The following SPTBN5 variants were observed in gnomAD, a reference collection of about 807,000 sequenced individuals.
The protein encoded by SPTBN5 is spectrin beta, non-erythrocytic 5, also known as spectrin beta chain, non-erythrocytic 5.
SPTBN5 carries 513 observed loss-of-function variants against 477.6 expected under a neutral mutation model. That is an observed-to-expected ratio of 1.07 (90% CI 1.00 to 1.16). The LOEUF (loss-of-function observed/expected upper bound fraction) is 1.16. Ranked by LOEUF, SPTBN5 falls within the 50% of genes most tolerant of loss-of-function variation. SPTBN5 has a pLI of 0.00. For missense variants in SPTBN5, 5,062 were observed against 4,731.8 expected (o/e 1.07, Z -2.05); for synonymous variants, 2,169 against 2,011.7 (o/e 1.08, Z -2.09).
At position 41,856,839 on chromosome 15, in the gene SPTBN5, G is replaced by T. The variant is rs566472919; in HGVS notation, c.8808+14C>A. The stretch of plus-strand genomic sequence containing the variant: ...CTCATGTGCGAGGCCAGCCCTCCCC[G>T]GGTGGGCCCACACCTGGTGCTGCTC... On this transcript the variant is annotated intron_variant, in intron 52 of 67. Coordinates refer to ENST00000320955, the MANE Select transcript of SPTBN5 (RefSeq NM_016642.4). The T allele has an allele frequency of 6.5e-6, 10 of 1,536,156 alleles. No homozygotes were observed. The South Asian group carries it at 9.6e-5, about 15-fold the overall frequency.
chr15:41,849,444 G>A (rs1271790339), intron 67 of SPTBN5, among the ~76,000 whole-genome samples: 1 of 152,208 alleles, frequency 6.6e-6, no homozygotes, highest in East Asian at 1.9e-4. Context: ...GGCAGGGTCT[G>A]GCCGTCCTGC....
chr15:41,857,913 G>A (rs2065976156), intron 49 of SPTBN5, among the ~76,000 whole-genome samples: 1 of 152,216 alleles, frequency 6.6e-6, no homozygotes, highest in Non-Finnish European at 1.5e-5. Context: ...AATGAGATAA[G>A]TCATATAAAA....
In SPTBN5 at chr15:41,869,959, T is replaced by C. The variant is rs8034735; in HGVS notation, c.5735A>G (p.His1912Arg). ...AGCTTGCTGCCTCTGCTGCACCGCA[T>C]GGGCCTGAGGCCCCGGACACAGCTT... ...VQKLCPGPQA[H>R]AVQQRQQAVT... is the part of the protein sequence containing the mutation. The change falls in exon 32 of 68, where the codon CAT becomes CGT. Residue 1912 changes from histidine to arginine, a missense_variant. By Grantham distance (29) the His-to-Arg change is conservative. Coordinates refer to ENST00000320955, the MANE Select transcript of SPTBN5 (RefSeq NM_016642.4). The C allele has an allele frequency of 0.015, 23,837 of 1,549,414 alleles. 2,520 individuals are homozygous for C. The African/African-American group carries it at 0.26, about 17-fold the overall frequency.
chr15:41,868,199 G>A lies in SPTBN5; in HGVS notation c.6077C>T (p.Ala2026Val). ...CACCTGGTCCCGCTGGTCCTGCAGG[G>A]CTCGAAGCTCTTCCTGGACCTGGGG... ...PTKEVQEELR[A>V]LQDQRDQVYQ... The change falls in exon 34 of 68, where the codon GCC (alanine) becomes GTC (valine). Residue 2026 changes from alanine to valine, a missense_variant. By Grantham distance (64) the Ala-to-Val change is moderately conservative. Transcript: ENST00000320955. 1.9e-6 allele frequency: 3 copies of A among 1,581,228 alleles called. No individual in the cohort carries two copies. The highest frequency in any genetic ancestry group is 1.8e-5 in the Admixed American group (1 of 54,938).
intron 4 of SPTBN5, 73 bp from the exon 5 acceptor site, chr15:41,888,158 G>A (rs2067213259): frequency 6.9e-7 from 1 of 1,455,676 alleles, no homozygotes; most frequent in Middle Eastern, 2.3e-4. Flanking sequence ...GGCTGTGGGA[G>A]AGGCAGGCTG....
At chr15:41,869,716 G>T in intron 32 of SPTBN5, 125 bp downstream of exon 32, 1 of 1,036,690 alleles carries the variant, frequency 9.6e-7, no homozygotes, top group Non-Finnish European at 1.3e-6. Flanking sequence ...GTGTGCTCGT[G>T]CTCTCCCACC....
chr15:41,887,858 G>A lies in SPTBN5; in HGVS notation c.659+70C>T. The A allele has an allele frequency of 3.4e-6, 5 of 1,481,656 alleles. No individual in the cohort carries two copies. The Admixed American group carries it at 7.9e-5, about 23-fold the overall frequency. 91.8% of individuals were successfully genotyped at this position (1,481,656 alleles called of 1,614,324 possible). On this transcript the variant is annotated intron_variant, in intron 5 of 67. Coordinates refer to ENST00000320955, the MANE Select transcript of SPTBN5 (RefSeq NM_016642.4). ...GCCTAGGGATGTGGGAGAACGGGTG[G>A]GCTGAGGACCCAAACCCAGGAGCTG...
In SPTBN5 at chr15:41,857,673, G is replaced by A. The variant is rs760458684; in HGVS notation, c.8264C>T (p.Ser2755Leu). The change falls in exon 50 of 68, where the codon TCG (serine) becomes TTG (leucine). Residue 2755 changes from serine to leucine, a missense_variant. Physicochemically the swap from Ser to Leu is moderately radical, Grantham distance 145. Transcript: ENST00000320955. ...QRLLQGGHPASEAIQERLEEL... is the reference protein window; with the variant it reads ...QRLLQGGHPALEAIQERLEEL... Reference sequence around the variant, plus strand: ...CTCCAGTCGCTCCTGGATGGCCTCCGAGGCTGGGTGGCCCCCCTGCAGCAG... The same window carrying A: ...CTCCAGTCGCTCCTGGATGGCCTCCAAGGCTGGGTGGCCCCCCTGCAGCAG... 6 of 1,584,708 alleles carry A rather than the reference G, an allele frequency of 3.8e-6. No individual in the cohort carries two copies. Among genetic ancestry groups the A allele is most frequent in the Non-Finnish European group, 4.3e-6 (5 of 1,166,224 alleles).
intron 28 of SPTBN5, 34 bp from the exon 29 acceptor site, chr15:41,871,554 C>G (rs745645454): frequency 7.9e-5 from 113 of 1,436,478 alleles, no homozygotes; most frequent in Non-Finnish European, 1.0e-4. Flanking sequence ...AGGGTAGCCC[C>G]CAGCTGGTTA....
At chr15:41,888,948 C>T (rs556329907) in intron 4 of SPTBN5, among the ~76,000 whole-genome samples, 45 of 152,292 alleles carry the variant, frequency 3.0e-4, no homozygotes, top group African/African-American at 8.4e-4. Flanking sequence ...GGCTGGCAGA[C>T]GGAACTAAGG....
In SPTBN5 at chr15:41,854,067, G is replaced by C; in HGVS notation, c.9757C>G (p.Gln3253Glu). Reference protein sequence around the residue: ...SLSSVRTLQQQHRRLERELEA... With the variant: ...SLSSVRTLQQEHRRLERELEA... Reference sequence around the variant, plus strand: ...GGCCTCACCTCCAGGCGCCTGTGCTGTTGCTGCAGGGTCCGCACAGATGAC... The same window carrying C: ...GGCCTCACCTCCAGGCGCCTGTGCTCTTGCTGCAGGGTCCGCACAGATGAC... The change falls in exon 57 of 68, where the codon CAG (glutamine) becomes GAG (glutamate). Residue 3253 changes from glutamine (Q) to glutamate (E), a missense_variant. Gln to Glu is a conservative substitution (Grantham distance 29). Coordinates refer to ENST00000320955, the MANE Select transcript of SPTBN5 (RefSeq NM_016642.4). The C allele has an allele frequency of 6.4e-7, 1 of 1,572,576 alleles. No homozygotes were observed.
chr15:41,879,822 C>T lies in SPTBN5; in HGVS notation c.2854G>A (p.Glu952Lys). ...ALAVGKGLWA[E>K]VSSSAEQLRQ... ...AGTTGCTCAGCAGAGCTGCTGACCT[C>T]AGCCCAGAGGCCCTTTCCCACAGCC... is the stretch of plus-strand genomic sequence containing the variant. The change falls in exon 15 of 68, where the codon GAG (glutamate) becomes AAG (lysine). Residue 952 changes from glutamate to lysine, a missense_variant. By Grantham distance (56) the Glu-to-Lys change is moderately conservative. Transcript: ENST00000320955. 2 of 1,614,010 alleles carry T rather than the reference C, an allele frequency of 1.2e-6. No individual in the cohort carries two copies. The highest frequency in any genetic ancestry group is 1.7e-6 in the Non-Finnish European group (2 of 1,179,886).
chr15:41,875,510 C>T lies in SPTBN5; in HGVS notation c.4235G>A (p.Gly1412Glu). The T allele has an allele frequency of 6.2e-7, 1 of 1,612,626 alleles. No individual in the cohort carries two copies. The highest frequency in any genetic ancestry group is 8.5e-7 in the Non-Finnish European group (1 of 1,179,514). Residue 1412 changes from glycine (G) to glutamate (E), a missense_variant, in exon 22 of 68, where the codon GGG (glycine) becomes GAG (glutamate). Physicochemically the swap from Gly to Glu is moderately conservative, Grantham distance 98. Coordinates refer to ENST00000320955, the MANE Select transcript of SPTBN5 (RefSeq NM_016642.4). ...CTGTCCAGCCTGCTGGAGCTCGTCC[C>T]CACGCTCAGTCATCTTGCGGTTCAA... Reference protein sequence around the residue: ...EALNRKMTERGDELQQAGQQE... With the variant: ...EALNRKMTEREDELQQAGQQE...
Position 41,858,725 on chromosome 15 carries a change from C to G in SPTBN5, c.8103G>C (p.Lys2701Asn), listed in dbSNP as rs746982089. The G allele has an allele frequency of 1.4e-5, 23 of 1,609,950 alleles. No individual in the cohort carries two copies. The highest frequency in any genetic ancestry group is 6.7e-5 in the Admixed American group (4 of 59,620). ...AACCCTCCTCCAAGGCCACCAGGTT[C>G]TTCTCCCTCAGCCACGCAGCCACCT... ...SQEVAAWLRE[K>N]NLVALEEGLL... Residue 2701 changes from lysine to asparagine, a missense_variant, in exon 49 of 68, where the codon AAG (lysine) becomes AAC (asparagine). Transcript: ENST00000320955.
In SPTBN5 at chr15:41,876,816, C is replaced by G; in HGVS notation, c.3844G>C (p.Ala1282Pro). Residue 1282 changes from alanine to proline, a missense_variant, in exon 19 of 68, where the codon GCA becomes CCA. By Grantham distance (27) the Ala-to-Pro change is conservative. Coordinates refer to ENST00000320955, the MANE Select transcript of SPTBN5 (RefSeq NM_016642.4). The stretch of plus-strand genomic sequence containing the variant: ...GACTGAGGCCAGGCTCACGTGTGTG[C>G]AGCTGGGTGCTGGCTCTGAACCAGC... ...EKLVQSQHPAAHTVREQLQSI... is the reference protein window; with the variant it reads ...EKLVQSQHPAPHTVREQLQSI... 6.3e-7 allele frequency: 1 copy of G among 1,597,116 alleles called. No homozygotes were observed. The highest frequency in any genetic ancestry group is 8.5e-7 in the Non-Finnish European group (1 of 1,175,252).
Position 41,862,241 on chromosome 15 carries a change from C to A in SPTBN5, c.7437G>T (p.Leu2479=), listed in dbSNP as rs1340039259. The A allele has an allele frequency of 6.8e-6, 11 of 1,611,416 alleles. No individual in the cohort carries two copies. Among genetic ancestry groups the A allele is most frequent in the Non-Finnish European group, 8.5e-6 (10 of 1,179,024 alleles). Residue 2479 remains leucine, a synonymous_variant, in exon 44 of 68, where the codon CTG becomes CTT. Transcript: ENST00000320955. ...TCTGGGCGCTGACCAGCAATTCCTG[C>A]AGCATTGCCTGGAGTTTCTGAGCTT... is the stretch of plus-strand genomic sequence containing the variant. ...LHQAQKLQAM[L]QELLVSAQRL...
chr15:41,855,573 A>G lies in SPTBN5; in HGVS notation c.9194T>C (p.Leu3065Pro), dbSNP rs1243923613. The change falls in exon 54 of 68, where the codon CTG becomes CCG. Residue 3065 changes from leucine (L) to proline (P), a missense_variant. Coordinates refer to ENST00000320955, the MANE Select transcript of SPTBN5 (RefSeq NM_016642.4). ...IERLQQTAAL[L>P]ESRKNPESPK... is the part of the protein sequence containing the mutation. Reference sequence around the variant, plus strand: ...CCTTTCTGGGTTCTTCCTGCTCTCCAGGAGTGCTGCTGTCTGCTGCAGCCG... The same window carrying G: ...CCTTTCTGGGTTCTTCCTGCTCTCCGGGAGTGCTGCTGTCTGCTGCAGCCG... 1.9e-6 allele frequency: 3 copies of G among 1,611,788 alleles called. No homozygotes were observed. Among genetic ancestry groups the G allele is most frequent in the Non-Finnish European group, 1.7e-6 (2 of 1,179,564 alleles).
At chr15:41,860,559 C>T (rs2066070744) in intron 47 of SPTBN5, 27 bp downstream of exon 47, 1 of 1,366,108 alleles carries the variant, frequency 7.3e-7, no homozygotes, top group Non-Finnish European at 9.5e-7. Flanking sequence ...CTGCCCACAG[C>T]ACCCCTCACC....
intron 42 of SPTBN5, 26 bp downstream of exon 42, chr15:41,862,764 G>C: frequency 6.4e-7 from 1 of 1,551,536 alleles, no homozygotes; most frequent in Non-Finnish European, 8.7e-7. Flanking sequence ...GATGCCCTGG[G>C]CCCAGCTCTA....
Sources: gnomAD v4.1 joint callset for allele counts (sites outside exome capture counted in the v4.1 genomes callset) on GRCh38, gnomAD v4.1.1 for gene constraint, MANE v1.5 for transcripts, NCBI Gene and HGNC (gene_info 2026-07-23, HGNC 2026-07-21) for gene names.